RBPJ: variants seen among roughly 807,000 people sequenced by gnomAD.
RBPJ encodes recombination signal binding protein for immunoglobulin kappa J region.
Under a neutral mutation model 67.8 loss-of-function variants are expected in RBPJ, and 9 were observed. The observed-to-expected ratio is 0.13, with a 90% CI of 0.08 to 0.23. RBPJ has a LOEUF of 0.23. RBPJ is among the 10% of genes least tolerant of loss of function. The pLI is 1.00. For synonymous variants in RBPJ, 198 were observed against 203.3 expected (o/e 0.97, Z 0.22); for missense variants, 305 against 595.6 (o/e 0.51, Z 5.08).
At chr4:26,216,637 G>T (rs1718731029) in intron 1 of RBPJ, among the ~76,000 whole-genome samples, 1 of 152,030 alleles carries the variant, frequency 6.6e-6, no homozygotes. Flanking sequence ...GATTGAGGGC[G>T]AGCATAGTGG....
intron 1 of RBPJ, among the ~76,000 whole-genome samples, chr4:26,182,205 C>A (rs557908773): frequency 1.3e-5 from 2 of 151,946 alleles, no homozygotes; most frequent in African/African-American, 4.8e-5. Flanking sequence ...AGCCGGGCGC[C>A]GTGGCGGGCG....
chr4:26,126,855 T>A, the RBPJ span, among the ~76,000 whole-genome samples: 3 of 152,158 alleles, frequency 2.0e-5, no homozygotes, highest in Admixed American at 1.3e-4. Context: ...ATATGGACAG[T>A]GGAAAAGCCT....
intron 1 of RBPJ, among the ~76,000 whole-genome samples, chr4:26,186,457 T>G (rs572054687): frequency 2.0e-4 from 31 of 152,320 alleles, no homozygotes; most frequent in African/African-American, 7.5e-4. Context: ...AAGAGTCATG[T>G]TTAATAGAAT....
upstream of RBPJ, among the ~76,000 whole-genome samples, chr4:26,317,576 A>G (rs4513556): frequency 1 from 152,241 of 152,320 alleles, 76,082 homozygotes; most frequent in Middle Eastern, 1. Flanking sequence ...CTGCGGGAAG[A>G]CAAGAACGGA....
At chr4:26,240,183 A>G (rs1178464373) in intron 1 of RBPJ, among the ~76,000 whole-genome samples, 1 of 152,214 alleles carries the variant, frequency 6.6e-6, no homozygotes, top group African/African-American at 2.4e-5. Context: ...ATACCCCAAC[A>G]TCGCATGAGG....
At chr4:26,176,701 A>G (rs764735990) in intron 1 of RBPJ, among the ~76,000 whole-genome samples, 3 of 152,218 alleles carry the variant, frequency 2.0e-5, no homozygotes, top group Non-Finnish European at 2.9e-5. Context: ...CATGGGACAT[A>G]GCTCCAAGAG....
chr4:26,233,033 G>C (rs904517310), intron 1 of RBPJ, among the ~76,000 whole-genome samples: 18 of 152,232 alleles, frequency 1.2e-4, no homozygotes, highest in African/African-American at 4.1e-4. Flanking sequence ...AGAGAGAGCA[G>C]CTGCTTTTCC....
upstream of RBPJ, among the ~76,000 whole-genome samples, chr4:26,319,356 C>CA (rs985735188): frequency 1.8e-4 from 27 of 152,204 alleles, no homozygotes; most frequent in Admixed American, 1.4e-3. Flanking sequence ...TCCAGCGTCA[C>CA]AGGGCGTGTG....
At chr4:26,138,417 G>A in the RBPJ span, among the ~76,000 whole-genome samples, 3 of 151,692 alleles carry the variant, frequency 2.0e-5, no homozygotes, top group East Asian at 1.9e-4. Context: ...GAGAGGATGC[G>A]AAAACCAAGC....
At chr4:26,399,559 A>G (rs1732541556) in intron 2 of RBPJ, among the ~76,000 whole-genome samples, 1 of 150,364 alleles carries the variant, frequency 6.7e-6, no homozygotes, top group Non-Finnish European at 1.5e-5. Context: ...TTTGAATTTT[A>G]TAAGGCAAAC....
chr4:26,402,597 G>T (rs550956657), intron 2 of RBPJ, among the ~76,000 whole-genome samples: 29 of 152,270 alleles, frequency 1.9e-4, no homozygotes, highest in Non-Finnish European at 3.2e-4. Flanking sequence ...CTTGACTTCT[G>T]TGGCATTTCA....
At chr4:26,331,016 C>T (rs1724188339) in intron 1 of RBPJ, among the ~76,000 whole-genome samples, 1 of 152,196 alleles carries the variant, frequency 6.6e-6, no homozygotes, top group Non-Finnish European at 1.5e-5. Context: ...AGTACCCATT[C>T]ATTTACACAG....
rs56160527 is a variant in RBPJ at position 26,246,973 on chromosome 4, C to CTTT, written c.-167+83376_-167+83378dup. On this transcript the variant is annotated intron_variant, in intron 1 of 4. Transcript: ENST00000512351. Reference sequence around the variant, plus strand: ...TCTATTATCTATGGAACATAATACGCTTTTTTTTTTTTTTTTTTTGAGACA... The same window carrying CTTT: ...TCTATTATCTATGGAACATAATACGCTTTTTTTTTTTTTTTTTTTTTTGAGACA... Among the ~76,000 whole-genome samples, 153 of 121,912 alleles carry CTTT rather than the reference C, an allele frequency of 1.3e-3. 2 individuals are homozygous for CTTT. Among genetic ancestry groups the CTTT allele is most frequent in the African/African-American group, 3.9e-3 (124 of 31,822 alleles). 80.0% of individuals were successfully genotyped at this position (121,912 alleles called of 152,430 possible).
rs182263060 is a variant in RBPJ, at chr4:26,407,104, C to T, written c.155+834C>T. Among the ~76,000 whole-genome samples, 69 of 152,268 alleles carry T rather than the reference C, an allele frequency of 4.5e-4. 1 individual carries two copies. In the East Asian group the frequency reaches 9.8e-3, roughly 22 times the overall value. ...TTTCTTTTGGGCTACATAATGTCCC[C>T]GAAATACTTATGTGATACATTAGCT... On this transcript the variant is annotated intron_variant, in intron 3 of 10. Transcript: ENST00000355476.
At chr4:26,401,144 T>C (rs1732750591) in intron 2 of RBPJ, among the ~76,000 whole-genome samples, 1 of 152,256 alleles carries the variant, frequency 6.6e-6, no homozygotes, top group Non-Finnish European at 1.5e-5. Context: ...TTCTGTCAGT[T>C]TGTGGGACTA....
At chr4:26,148,665 CA>C in the RBPJ span, among the ~76,000 whole-genome samples, 1 of 152,162 alleles carries the variant, frequency 6.6e-6, no homozygotes, top group African/African-American at 2.4e-5. Context: ...CCAGAAATAG[CA>C]AAAAAGCAGT....
chr4:26,306,134 T>C (rs999331468), intron 1 of RBPJ, among the ~76,000 whole-genome samples: 1 of 152,154 alleles, frequency 6.6e-6, no homozygotes, highest in Non-Finnish European at 1.5e-5. Context: ...TACAAGATCA[T>C]GTCATCTGAA....
chr4:26,311,474 G>A (rs1462615091), intron 1 of RBPJ, among the ~76,000 whole-genome samples: 1 of 151,998 alleles, frequency 6.6e-6, no homozygotes, highest in Non-Finnish European at 1.5e-5. Flanking sequence ...AGGAGGTGGA[G>A]GTTGCAGTGA....
At chr4:26,120,714 CTTTTTTTTTTT>C in the RBPJ span, among the ~76,000 whole-genome samples, 3 of 83,014 alleles carry the variant, frequency 3.6e-5, no homozygotes, top group African/African-American at 4.8e-5. Context: ...ATTTTCTCAA[CTTTTTTTTTTT>C]TTTTTTTTTT....
Sources: allele counts gnomAD v4.1 joint callset (sites outside exome capture counted in the v4.1 genomes callset), GRCh38; gene constraint gnomAD v4.1.1; transcripts MANE v1.5; gene names NCBI Gene and HGNC (gene_info 2026-07-23, HGNC 2026-07-21).